The following CHST11 variants were observed in gnomAD, a reference collection of about 807,000 sequenced individuals.
The protein encoded by CHST11 is C4S-1.
A neutral mutation model predicts 30.4 loss-of-function variants in CHST11; 9 were observed. The observed-to-expected ratio is 0.30, with a 90% confidence interval of 0.18 to 0.52. The LOEUF (loss-of-function observed/expected upper bound fraction) is 0.52. Among genes scored for constraint, CHST11 ranks in the 20% least tolerant of loss-of-function variants. CHST11 has a pLI of 0.97. For missense variants in CHST11, 348 were observed against 460.6 expected, an observed-to-expected ratio of 0.76 and a Z score of 2.24; for synonymous variants, 152 against 187.8, an observed-to-expected ratio of 0.81 and a Z score of 1.56.
chr12:104,529,933 G>A (rs1196309197), intron 1 of CHST11, among the ~76,000 whole-genome samples: 2 of 152,106 alleles, frequency 1.3e-5, no homozygotes, highest in Non-Finnish European at 2.9e-5. Context: ...TGAGGTGGGC[G>A]GATCACTTGA....
intron 1 of CHST11, among the ~76,000 whole-genome samples, chr12:104,597,951 C>T (rs1282189422): frequency 6.6e-6 from 1 of 152,136 alleles, no homozygotes; most frequent in Admixed American, 6.5e-5. Context: ...AGTCATGAGA[C>T]CTGGGCAAGT....
At chr12:104,461,361 A>G (rs2037406255) in intron 1 of CHST11, among the ~76,000 whole-genome samples, 1 of 152,162 alleles carries the variant, frequency 6.6e-6, no homozygotes, top group South Asian at 2.1e-4. Flanking sequence ...GAATGGAACC[A>G]TATACCTGTG....
At chr12:104,565,714 G>T (rs1161621922) in intron 1 of CHST11, among the ~76,000 whole-genome samples, 1 of 152,198 alleles carries the variant, frequency 6.6e-6, no homozygotes. Context: ...AGGATGAGGA[G>T]ACCCAGGGGA....
chr12:104,751,808 A>C (rs1301646710), intron 2 of CHST11, among the ~76,000 whole-genome samples: 1 of 152,240 alleles, frequency 6.6e-6, no homozygotes, highest in Non-Finnish European at 1.5e-5. Context: ...GAGACTCAGA[A>C]GGGTAAGGCT....
intron 1 of CHST11, among the ~76,000 whole-genome samples, chr12:104,476,571 G>A (rs775134268): frequency 9.9e-5 from 15 of 151,488 alleles, no homozygotes; most frequent in Non-Finnish European, 2.1e-4. Flanking sequence ...AAAAAATGCC[G>A]TTTTTTTTGT....
At chr12:104,575,522 A>G (rs770835797) in intron 1 of CHST11, among the ~76,000 whole-genome samples, 3 of 152,158 alleles carry the variant, frequency 2.0e-5, no homozygotes, top group Non-Finnish European at 4.4e-5. Context: ...ATCCGGGTGA[A>G]GGGGGTCTTA....
intron 2 of CHST11, among the ~76,000 whole-genome samples, chr12:104,710,207 A>T (rs187130730): frequency 0.059 from 8,946 of 151,884 alleles, 634 homozygotes; most frequent in East Asian, 0.23. Context: ...CTCAAACAAA[A>T]AAAGAAGTTT....
intron 1 of CHST11, among the ~76,000 whole-genome samples, chr12:104,475,803 T>TTA (rs199863408): frequency 0.017 from 2,489 of 143,098 alleles, 38 homozygotes; most frequent in Non-Finnish European, 0.02. Context: ...ATATATGTAT[T>TTA]TATATGTATA....
chr12:104,682,468 T>G (rs112200549), intron 2 of CHST11, among the ~76,000 whole-genome samples: 4 of 152,362 alleles, frequency 2.6e-5, no homozygotes, highest in African/African-American at 9.6e-5. Context: ...TATGGTTGTA[T>G]TTTAGTTGTG....
At chr12:104,545,849 A>G (rs1025861178) in intron 1 of CHST11, among the ~76,000 whole-genome samples, 1 of 151,920 alleles carries the variant, frequency 6.6e-6, no homozygotes, top group Non-Finnish European at 1.5e-5. Context: ...TTTTAAAAGC[A>G]GCATCTCACT....
rs2040507551 is a variant in CHST11, at chr12:104,759,545, A to G, written c.*1742A>G. ...CCGTATATAGTGAAGGGGTGAGGATATTCTAAACAAACAAAAATTGAATAA... is the reference window on the plus strand; with the variant it reads ...CCGTATATAGTGAAGGGGTGAGGATGTTCTAAACAAACAAAAATTGAATAA... On this transcript the variant is annotated 3_prime_UTR_variant, in exon 3 of 3. Coordinates refer to ENST00000303694, the MANE Select transcript of CHST11 (RefSeq NM_018413.6). 6.6e-6 allele frequency: 1 copy of G among 152,180 alleles called. No individual in the cohort carries two copies. Among genetic ancestry groups the G allele is most frequent in the Non-Finnish European group, 1.5e-5 (1 of 68,038 alleles). The allele number at this position is 152,180 out of a possible 1,614,324, so 9.4% of individuals were successfully genotyped here.
rs1040579491 is a variant in CHST11, at chr12:104,757,495, C to A, written c.751C>A (p.Arg251=). ...VAYLIDPHTQ[R]EEPFNEHWQT... ...CTATCTCATCGACCCACACACCCAGCGGGAGGAGCCTTTCAACGAACACTG... is the reference window on the plus strand; with the variant it reads ...CTATCTCATCGACCCACACACCCAGAGGGAGGAGCCTTTCAACGAACACTG... Residue 251 remains arginine (R), a synonymous_variant, in exon 3 of 3, where the codon CGG becomes AGG. Coordinates refer to ENST00000303694, the MANE Select transcript of CHST11 (RefSeq NM_018413.6). The surrounding 1 kb of genome is among the most constrained non-coding windows in gnomAD (Gnocchi z 6.5). 6.8e-6 allele frequency: 11 copies of A among 1,613,988 alleles called. No individual in the cohort carries two copies. In the African/African-American group the frequency reaches 1.3e-4, roughly 20 times the overall value.
At position 104,761,194 on chromosome 12, in the gene CHST11, C is replaced by T. The variant is rs1229003517; in HGVS notation, c.*3391C>T. ...TCTCAGAGGGGACGTTCCTCCTCCT[C>T]CCTGTGCACCAGGTGGGCTGCACCC... On this transcript the variant is annotated 3_prime_UTR_variant, in exon 3 of 3. Transcript: ENST00000303694. The T allele has an allele frequency of 3.9e-5, 6 of 152,230 alleles. No homozygotes were observed. Among genetic ancestry groups the T allele is most frequent in the African/African-American group, 1.4e-4 (6 of 41,426 alleles). 9.4% of individuals were successfully genotyped at this position (152,230 alleles called of 1,614,324 possible). A position where few individuals can be genotyped will look rare whatever the true frequency, so the allele number is the denominator to read the frequency against.
intron 1 of CHST11, among the ~76,000 whole-genome samples, chr12:104,546,408 C>A (rs1293971877): frequency 6.7e-6 from 1 of 148,984 alleles, no homozygotes; most frequent in African/African-American, 2.5e-5. Context: ...CTCAAGGTTG[C>A]AGTGAGCTAT....
chr12:104,707,066 C>T (rs1178568943), intron 2 of CHST11, among the ~76,000 whole-genome samples: 1 of 152,222 alleles, frequency 6.6e-6, no homozygotes, highest in East Asian at 1.9e-4. Context: ...GTCACCTCCT[C>T]AGAGAAGTCC....
At chr12:104,659,181 A>G (rs1310965690) in intron 2 of CHST11, among the ~76,000 whole-genome samples, 1 of 152,232 alleles carries the variant, frequency 6.6e-6, no homozygotes, top group Non-Finnish European at 1.5e-5. Flanking sequence ...ATAAGAGCAC[A>G]GCTCTGTGTT....
rs1412634748 is a variant in CHST11, at chr12:104,588,243, A to G, written c.119-13663A>G. On this transcript the variant is annotated intron_variant, in intron 1 of 2. Coordinates refer to ENST00000303694, the MANE Select transcript of CHST11 (RefSeq NM_018413.6). Reference sequence around the variant, plus strand: ...AGAAACTCTGTGTCTATTTATTGTCACTTGCCATCCCCACCCCTGGCCTTA... The same window carrying G: ...AGAAACTCTGTGTCTATTTATTGTCGCTTGCCATCCCCACCCCTGGCCTTA... 2.6e-5 allele frequency among the ~76,000 whole-genome samples: 4 copies of G among 152,132 alleles called. No homozygotes were observed. In the East Asian group the frequency reaches 7.7e-4, roughly 29 times the overall value.
rs192697741 is a variant in CHST11 at position 104,494,931 on chromosome 12, C to T, written c.118+37402C>T. Reference sequence around the variant, plus strand: ...AGATCTCCAGAACTTTTTTGTTTTGCGAAACTGACATGCTGTACCCACTAA... The same window carrying T: ...AGATCTCCAGAACTTTTTTGTTTTGTGAAACTGACATGCTGTACCCACTAA... On this transcript the variant is annotated intron_variant, in intron 1 of 2. Coordinates refer to ENST00000303694, the MANE Select transcript of CHST11 (RefSeq NM_018413.6). Among the ~76,000 whole-genome samples, 181 of 152,132 alleles carry T rather than the reference C, an allele frequency of 1.2e-3. 2 individuals carry two copies. Among genetic ancestry groups the T allele is most frequent in the African/African-American group, 4.1e-3 (171 of 41,530 alleles).
chr12:104,619,368 T>G (rs1355387663), intron 2 of CHST11, among the ~76,000 whole-genome samples: 2 of 152,206 alleles, frequency 1.3e-5, no homozygotes, highest in Admixed American at 1.3e-4. Flanking sequence ...AACTTTTTTT[T>G]TAATTTTCCG....
Sources: gnomAD v4.1 joint callset for allele counts (sites outside exome capture counted in the v4.1 genomes callset) on GRCh38, gnomAD v4.1.1 for gene constraint, Gnocchi (gnomAD v3.1) non-coding constraint, MANE v1.5 for transcripts, NCBI Gene and HGNC (gene_info 2026-07-23, HGNC 2026-07-21) for gene names.